Variants in CBLB observed in about 807,000 individuals in gnomAD.
CBLB encodes Cbl proto-oncogene B, also known as E3 ubiquitin-protein ligase CBL-B.
CBLB carries 31 observed loss-of-function variants against 104.9 expected under a neutral mutation model. The ratio of observed to expected loss-of-function variants is 0.30; its 90% CI spans 0.22 to 0.40. The LOEUF is 0.40. Among genes scored for constraint, CBLB ranks in the 10% least tolerant of loss-of-function variants. The pLI, the probability that CBLB is intolerant of heterozygous loss-of-function variation, is 1.00. For synonymous variants in CBLB, 440 were observed against 422.6 expected (o/e 1.04, Z -0.51); for missense variants, 1,062 against 1,214.6 (o/e 0.87, Z 1.87).
At chr3:105,716,049 C>T (rs907301276) in intron 10 of CBLB, among the ~76,000 whole-genome samples, 1 of 151,960 alleles carries the variant, frequency 6.6e-6, no homozygotes, top group African/African-American at 2.4e-5. Context: ...TAAATTAATT[C>T]ATCAGTTAAT....
intron 9 of CBLB, among the ~76,000 whole-genome samples, chr3:105,724,357 T>C (rs1362643042): frequency 6.6e-6 from 1 of 152,150 alleles, no homozygotes; most frequent in Non-Finnish European, 1.5e-5. Context: ...CATAAAAGCC[T>C]GCATAGTAAA....
chr3:105,868,187 G>A (rs937016067), intron 1 of CBLB: 21 of 1,229,364 alleles, frequency 1.7e-5, no homozygotes, highest in African/African-American at 1.6e-5. Flanking sequence ...AAATCAACGC[G>A]GTGAGTCGTT....
At chr3:105,855,399 G>A (rs1004660083) in intron 2 of CBLB, among the ~76,000 whole-genome samples, 2 of 152,144 alleles carry the variant, frequency 1.3e-5, no homozygotes, top group Non-Finnish European at 2.9e-5. Flanking sequence ...AGAGAACAGA[G>A]TTTAAATGGT....
intron 8 of CBLB, among the ~76,000 whole-genome samples, chr3:105,736,164 T>C (rs923936059): frequency 5.3e-5 from 8 of 152,164 alleles, no homozygotes; most frequent in Admixed American, 2.0e-4. Context: ...GGCGTGAACA[T>C]ATCTCAAATA....
intron 16 of CBLB, among the ~76,000 whole-genome samples, chr3:105,680,298 G>A (rs923565767): frequency 1.3e-5 from 2 of 151,016 alleles, no homozygotes; most frequent in African/African-American, 4.9e-5. Flanking sequence ...CTAGAAAAAG[G>A]TCAAGGTAAA....
intron 4 of CBLB, among the ~76,000 whole-genome samples, chr3:105,759,591 AG>A (rs1347767308): frequency 6.6e-6 from 1 of 152,128 alleles, no homozygotes; most frequent in Non-Finnish European, 1.5e-5. Flanking sequence ...ATGCGGTGGC[AG>A]GGGGCTGGCA....
chr3:105,758,458 G>A (rs2077279059), intron 4 of CBLB, among the ~76,000 whole-genome samples: 1 of 152,292 alleles, frequency 6.6e-6, no homozygotes, highest in East Asian at 1.9e-4. Context: ...TTGTTTGTGT[G>A]TCACTTTTCC....
chr3:105,864,835 C>A (rs1578009805), intron 2 of CBLB, among the ~76,000 whole-genome samples: 3 of 152,282 alleles, frequency 2.0e-5, no homozygotes, highest in Admixed American at 2.0e-4. Flanking sequence ...CAACCCAAGA[C>A]TGCTTCATTA....
chr3:105,783,414 T>C (rs2080531596), intron 3 of CBLB, among the ~76,000 whole-genome samples: 1 of 152,208 alleles, frequency 6.6e-6, no homozygotes, highest in African/African-American at 2.4e-5. Context: ...GATGGCTCTC[T>C]TACTAAGGTA....
intron 3 of CBLB, among the ~76,000 whole-genome samples, chr3:105,810,605 T>C (rs1448759954): frequency 1.3e-5 from 2 of 152,144 alleles, no homozygotes; most frequent in African/African-American, 4.8e-5. Flanking sequence ...CTTCTGTTTA[T>C]GTCCAATGAT....
chr3:105,741,672 G>A (rs1483158025), intron 6 of CBLB, among the ~76,000 whole-genome samples: 3 of 152,118 alleles, frequency 2.0e-5, no homozygotes, highest in African/African-American at 7.2e-5. Context: ...TGGGATTACA[G>A]GCATGAGCCA....
chr3:105,863,024 A>G (rs1203906008), intron 2 of CBLB, among the ~76,000 whole-genome samples: 2 of 152,246 alleles, frequency 1.3e-5, no homozygotes, highest in Non-Finnish European at 2.9e-5. Context: ...TTGAGATTTG[A>G]TAAATGAATG....
chr3:105,850,534 A>C (rs2090807284), intron 3 of CBLB, among the ~76,000 whole-genome samples: 1 of 152,314 alleles, frequency 6.6e-6, no homozygotes, highest in East Asian at 1.9e-4. Flanking sequence ...AAATCTAAAT[A>C]AACTATCACT....
chr3:105,802,218 T>C (rs898907803), intron 3 of CBLB, among the ~76,000 whole-genome samples: 2 of 152,204 alleles, frequency 1.3e-5, no homozygotes, highest in Admixed American at 6.5e-5. Flanking sequence ...TTCCTTACTG[T>C]AGCTTTCATG....
chr3:105,773,549 G>GA (rs1359891403), intron 4 of CBLB, among the ~76,000 whole-genome samples: 1 of 152,142 alleles, frequency 6.6e-6, no homozygotes, highest in East Asian at 1.9e-4. Flanking sequence ...GCTGCTACCT[G>GA]ACTCGCTAAG....
At chr3:105,722,266 C>T (rs2072991686) in intron 9 of CBLB, among the ~76,000 whole-genome samples, 1 of 151,392 alleles carries the variant, frequency 6.6e-6, no homozygotes, top group African/African-American at 2.4e-5. Context: ...CTGATGGTCC[C>T]TCTGTCTTTA....
intron 10 of CBLB, among the ~76,000 whole-genome samples, chr3:105,706,956 T>C (rs1030847543): frequency 1.3e-5 from 2 of 152,170 alleles, no homozygotes; most frequent in African/African-American, 2.4e-5. Context: ...AGACACAGAA[T>C]TGTGATAGAG....
At chr3:105,748,101 G>A (rs1256102182) in intron 5 of CBLB, among the ~76,000 whole-genome samples, 1 of 152,114 alleles carries the variant, frequency 6.6e-6, no homozygotes, top group Admixed American at 6.5e-5. Context: ...GCAAAACAAA[G>A]TGCTTTGGAG....
chr3:105,703,861 G>A lies in CBLB; in HGVS notation c.1593+127C>T, dbSNP rs749155208. The A allele has an allele frequency of 5.3e-5, 43 of 809,038 alleles. 1 individual carries two copies. Among genetic ancestry groups the A allele is most frequent in the Non-Finnish European group, 7.3e-5 (36 of 492,640 alleles). The allele number at this position is 809,038 out of a possible 1,614,324, so 50.1% of individuals were successfully genotyped here. On this transcript the variant is annotated intron_variant, in intron 11 of 18. Transcript: ENST00000394030. ...AATGTGGGCTCACCATAAACTAAAC[G>A]AGAAACTCATCAAACTTATTCACAA...
Sources: allele counts gnomAD v4.1 joint callset (sites outside exome capture counted in the v4.1 genomes callset), GRCh38; gene constraint gnomAD v4.1.1; transcripts MANE v1.5; gene names NCBI Gene and HGNC (gene_info 2026-07-23, HGNC 2026-07-21).